The following PEX5L variants were observed in gnomAD, a reference collection of about 807,000 sequenced individuals.
PEX5L encodes the protein peroxisomal biogenesis factor 5 like.
Under a neutral mutation model 84.0 loss-of-function variants are expected in PEX5L, and 30 were observed. The observed-to-expected ratio is 0.36, with a 90% CI of 0.27 to 0.48. PEX5L has a LOEUF of 0.48. PEX5L is among the 20% of genes least tolerant of loss of function. PEX5L has a pLI of 0.99. For synonymous variants in PEX5L, 270 were observed against 283.1 expected (o/e 0.95, Z 0.46); for missense variants, 533 against 754.6 (o/e 0.71, Z 3.44).
chr3:179,904,829 C>T (rs994354008), intron 2 of PEX5L, among the ~76,000 whole-genome samples: 5 of 152,000 alleles, frequency 3.3e-5, no homozygotes, highest in East Asian at 1.9e-4. Context: ...GTCGTCTCCT[C>T]GACAGTCAGT....
At chr3:179,974,304 AC>A in intron 1 of PEX5L, 1 of 457,602 alleles carries the variant, frequency 2.2e-6, no homozygotes, top group Non-Finnish European at 2.9e-6. Context: ...CAGGGCAATC[AC>A]TTCCTGTGCT....
Position 179,973,712 on chromosome 3 carries a change from C to T in PEX5L, c.22-2047G>A, listed in dbSNP as rs978172478. 6 of 985,170 alleles carry T rather than the reference C, an allele frequency of 6.1e-6. No homozygotes were observed. The African/African-American group carries it at 7.0e-5, about 11-fold the overall frequency. The allele number at this position is 985,170 out of a possible 1,614,324, so 61.0% of individuals were successfully genotyped here. A position where few individuals can be genotyped will look rare whatever the true frequency, so the allele number is the denominator to read the frequency against. Reference sequence around the variant, plus strand: ...TGCAACTTCTACAAATACCAAAGTCCGCCTCTCCAATCTCAACTCCTTATC... The same window carrying T: ...TGCAACTTCTACAAATACCAAAGTCTGCCTCTCCAATCTCAACTCCTTATC... On this transcript the variant is annotated intron_variant, in intron 1 of 14. Coordinates refer to ENST00000467460, the MANE Select transcript of PEX5L (RefSeq NM_016559.3).
intron 2 of PEX5L, among the ~76,000 whole-genome samples, chr3:179,951,607 G>A (rs1290398365): frequency 1.3e-5 from 2 of 152,214 alleles, no homozygotes; most frequent in Non-Finnish European, 2.9e-5. Context: ...CCTCTTCTAA[G>A]GTATAGCAGA....
intron 2 of PEX5L, among the ~76,000 whole-genome samples, chr3:179,946,978 T>C (rs1359165724): frequency 2.0e-5 from 3 of 152,198 alleles, no homozygotes; most frequent in Non-Finnish European, 2.9e-5. Flanking sequence ...GCAGTGGGTA[T>C]GTATTGAGTA....
chr3:180,025,559 G>T (rs1210428627), intron 1 of PEX5L, among the ~76,000 whole-genome samples: 1 of 152,204 alleles, frequency 6.6e-6, no homozygotes, highest in African/African-American at 2.4e-5. Flanking sequence ...ATTCTGCATT[G>T]CTGGGAGAGG....
intron 5 of PEX5L, among the ~76,000 whole-genome samples, chr3:179,879,512 C>A (rs946676096): frequency 1.3e-5 from 2 of 152,218 alleles, no homozygotes; most frequent in Non-Finnish European, 2.9e-5. Context: ...TATTGTATGG[C>A]ATGTATTCCC....
chr3:179,874,394 A>G lies in PEX5L; in HGVS notation c.659T>C (p.Leu220Pro). The G allele has an allele frequency of 6.2e-7, 1 of 1,611,948 alleles. No homozygotes were observed. The highest frequency in any genetic ancestry group is 8.5e-7 in the Non-Finnish European group (1 of 1,178,364). The change falls in exon 7 of 15, where the codon CTG (leucine) becomes CCG (proline). Residue 220 changes from leucine (L) to proline (P), a missense_variant. Physicochemically the swap from Leu to Pro is moderately conservative, Grantham distance 98. This residue lies in a region of PEX5L where 259 missense variants were observed against 301.7 expected (regional missense o/e 0.86). Coordinates refer to ENST00000467460, the MANE Select transcript of PEX5L (RefSeq NM_016559.3). The stretch of plus-strand genomic sequence containing the variant: ...GTTGAGGGCGCTTTTTCCACCACTC[A>G]GTTCTGGTTGAGATCTGTGTTCTGA... ...WSSEHRSQPE[L>P]SGGKSALNSE...
chr3:179,879,197 CT>C (rs1753400616), intron 5 of PEX5L, among the ~76,000 whole-genome samples: 2 of 152,224 alleles, frequency 1.3e-5, no homozygotes, highest in African/African-American at 4.8e-5. Flanking sequence ...ATACCTGTCA[CT>C]GTTCTTTCTC....
intron 8 of PEX5L, among the ~76,000 whole-genome samples, chr3:179,837,662 C>T (rs973223307): frequency 9.2e-5 from 14 of 152,186 alleles, no homozygotes; most frequent in African/African-American, 1.7e-4. Flanking sequence ...CTAACTTGTT[C>T]GCACTATCTG....
chr3:179,871,270 A>C (rs547387720), intron 7 of PEX5L, among the ~76,000 whole-genome samples: 1 of 151,728 alleles, frequency 6.6e-6, no homozygotes, highest in East Asian at 1.9e-4. Flanking sequence ...GCCTGGCTAA[A>C]TTTTGTATTT....
intron 2 of PEX5L, among the ~76,000 whole-genome samples, chr3:179,968,780 A>G (rs1245530645): frequency 6.6e-6 from 1 of 151,788 alleles, no homozygotes; most frequent in East Asian, 1.9e-4. Flanking sequence ...AGACATCAAC[A>G]CTCATTTAAG....
chr3:179,870,642 G>A (rs1180060893), intron 7 of PEX5L, among the ~76,000 whole-genome samples: 2 of 152,122 alleles, frequency 1.3e-5, no homozygotes, highest in Non-Finnish European at 2.9e-5. Flanking sequence ...TCCTCTAAGA[G>A]TACCATCATT....
chr3:179,842,201 G>GT (rs1204847376), intron 8 of PEX5L, among the ~76,000 whole-genome samples: 1 of 152,184 alleles, frequency 6.6e-6, no homozygotes, highest in Admixed American at 6.5e-5. Flanking sequence ...AGGTACAGGT[G>GT]TAACACAGCT....
chr3:179,966,245 AGGT>A (rs1579079182), intron 2 of PEX5L, among the ~76,000 whole-genome samples: 1 of 152,334 alleles, frequency 6.6e-6, no homozygotes, highest in East Asian at 1.9e-4. Flanking sequence ...CAGGCTGAGC[AGGT>A]GGTCTCCTTT....
Position 179,924,142 on chromosome 3 carries a change from A to G in PEX5L, c.94-25896T>C, listed in dbSNP as rs193205021. On this transcript the variant is annotated intron_variant, in intron 2 of 14. Coordinates refer to ENST00000467460, the MANE Select transcript of PEX5L (RefSeq NM_016559.3). ...GTTTTCAGGCTTCAGTATCGGGGAT[A>G]GGTTTGACCTAGACCACTTCTGTGA... 2.4e-4 allele frequency among the ~76,000 whole-genome samples: 37 copies of G among 152,304 alleles called. No homozygotes were observed. The East Asian group carries it at 6.6e-3, about 27-fold the overall frequency.
chr3:179,842,112 TG>T (rs1737547114), intron 8 of PEX5L, among the ~76,000 whole-genome samples: 1 of 152,212 alleles, frequency 6.6e-6, no homozygotes, highest in African/African-American at 2.4e-5. Context: ...GCTGCTCAAT[TG>T]ATCTCATTTT....
At chr3:179,878,208 T>C (rs1753081978) in intron 5 of PEX5L, among the ~76,000 whole-genome samples, 1 of 152,236 alleles carries the variant, frequency 6.6e-6, no homozygotes, top group African/African-American at 2.4e-5. Context: ...GCTTGGCATG[T>C]TCTACATGTC....
intron 2 of PEX5L, among the ~76,000 whole-genome samples, chr3:179,943,783 G>T (rs1194350533): frequency 6.6e-6 from 1 of 152,200 alleles, no homozygotes; most frequent in Non-Finnish European, 1.5e-5. Context: ...TCTCTTGAAG[G>T]ACTCAGTAAC....
chr3:179,903,417 A>G (rs1329766523), intron 2 of PEX5L, among the ~76,000 whole-genome samples: 2 of 152,208 alleles, frequency 1.3e-5, no homozygotes, highest in East Asian at 1.9e-4. Context: ...TTTCTTAGAA[A>G]TGGAGTTTTA....
Sources: allele counts gnomAD v4.1 joint callset (sites outside exome capture counted in the v4.1 genomes callset), GRCh38; gene constraint gnomAD v4.1.1; regional missense constraint gnomAD v4.1.1; transcripts MANE v1.5; gene names NCBI Gene and HGNC (gene_info 2026-07-23, HGNC 2026-07-21).